TENM4: variants seen among roughly 807,000 people sequenced by gnomAD.
TENM4 encodes teneurin-4.
Under a neutral mutation model 243.3 loss-of-function variants are expected in TENM4, and 82 were observed. That is an observed-to-expected ratio of 0.34 (90% CI 0.28 to 0.40). TENM4 has a LOEUF of 0.40. TENM4 is among the 10% of genes least tolerant of loss of function. TENM4 has a pLI of 1.00. For synonymous variants in TENM4, 1,412 were observed against 1,456.3 expected (o/e 0.97, Z 0.69); for missense variants, 3,138 against 3,673.3 (o/e 0.85, Z 3.77).
intron 6 of TENM4, among the ~76,000 whole-genome samples, chr11:78,981,493 A>C (rs1363991353): frequency 6.6e-6 from 1 of 152,144 alleles, no homozygotes; most frequent in African/African-American, 2.4e-5. Flanking sequence ...TCTCAGTTGG[A>C]AGATCCTGAC....
At chr11:78,820,477 G>C (rs1565393296) in intron 12 of TENM4, among the ~76,000 whole-genome samples, 1 of 152,174 alleles carries the variant, frequency 6.6e-6, no homozygotes, top group Non-Finnish European at 1.5e-5. Context: ...TTGTGAAATG[G>C]GGTGAACAGT....
At chr11:79,007,591 C>T (rs1433801998) in intron 6 of TENM4, among the ~76,000 whole-genome samples, 1 of 152,138 alleles carries the variant, frequency 6.6e-6, no homozygotes, top group African/African-American at 2.4e-5. Flanking sequence ...TTTCCTGAGA[C>T]AAGGAGTAAG....
intron 4 of TENM4, among the ~76,000 whole-genome samples, chr11:79,129,238 G>A (rs1019504554): frequency 2.0e-5 from 3 of 152,128 alleles, no homozygotes; most frequent in Non-Finnish European, 4.4e-5. Flanking sequence ...GCCCAAGCAG[G>A]CCATTCCTGC....
intron 6 of TENM4, among the ~76,000 whole-genome samples, chr11:79,046,332 C>T (rs1054442873): frequency 4.6e-5 from 7 of 152,088 alleles, no homozygotes; most frequent in Admixed American, 4.6e-4. Context: ...TCATGGAGCA[C>T]CAAAAAGCTG....
intron 4 of TENM4, among the ~76,000 whole-genome samples, chr11:79,113,380 G>A (rs776371344): frequency 2.4e-4 from 32 of 133,358 alleles, no homozygotes; most frequent in Non-Finnish European, 5.1e-4. Context: ...TTACTCCCCC[G>A]CCTATTGGAT....
At chr11:78,704,519 T>C (rs1213001759) in intron 27 of TENM4, among the ~76,000 whole-genome samples, 1 of 152,070 alleles carries the variant, frequency 6.6e-6, no homozygotes, top group African/African-American at 2.4e-5. Context: ...TGTGTAGTTG[T>C]TAAAAGTGAT....
At chr11:79,426,209 G>T (rs1251546348) in intron 1 of TENM4, among the ~76,000 whole-genome samples, 1 of 152,176 alleles carries the variant, frequency 6.6e-6, no homozygotes, top group East Asian at 1.9e-4. Flanking sequence ...AAGTTCAGAT[G>T]ACATCAAAAG....
chr11:79,038,822 A>C (rs1466758713), intron 6 of TENM4, among the ~76,000 whole-genome samples: 2 of 152,216 alleles, frequency 1.3e-5, no homozygotes, highest in Non-Finnish European at 2.9e-5. Context: ...GGTTGCAAGA[A>C]GCCTAGCCTC....
chr11:79,099,958 T>G (rs1430293095), intron 4 of TENM4, among the ~76,000 whole-genome samples: 1 of 152,224 alleles, frequency 6.6e-6, no homozygotes, highest in Non-Finnish European at 1.5e-5. Flanking sequence ...TATGGGGAGA[T>G]GCTGTTCATA....
chr11:78,931,268 GT>G (rs1226805620), intron 6 of TENM4, among the ~76,000 whole-genome samples: 1 of 152,140 alleles, frequency 6.6e-6, no homozygotes, highest in Admixed American at 6.5e-5. Context: ...CTCAAAGCCA[GT>G]ATTTTTAAAA....
chr11:79,320,139 G>T (rs1424496718), intron 1 of TENM4, among the ~76,000 whole-genome samples: 1 of 152,144 alleles, frequency 6.6e-6, no homozygotes, highest in Non-Finnish European at 1.5e-5. Flanking sequence ...TGCACCCTCT[G>T]ACTCCTGAAA....
intron 6 of TENM4, among the ~76,000 whole-genome samples, chr11:79,049,191 T>TC (rs1859736546): frequency 6.6e-6 from 1 of 151,972 alleles, no homozygotes; most frequent in Non-Finnish European, 1.5e-5. Flanking sequence ...CACAATTCCC[T>TC]CCCCCAGTCC....
At chr11:79,310,770 C>T (rs963892747) in intron 1 of TENM4, among the ~76,000 whole-genome samples, 2 of 152,074 alleles carry the variant, frequency 1.3e-5, no homozygotes, top group Non-Finnish European at 2.9e-5. Context: ...TCCAGCCCTG[C>T]CACTGACACA....
At chr11:79,408,528 A>G (rs1047318301) in intron 1 of TENM4, among the ~76,000 whole-genome samples, 8 of 152,250 alleles carry the variant, frequency 5.3e-5, no homozygotes, top group African/African-American at 1.7e-4. Flanking sequence ...AAACAAGAAT[A>G]TGTAACCTCT....
intron 1 of TENM4, among the ~76,000 whole-genome samples, chr11:79,310,374 C>A (rs533296450): frequency 6.6e-6 from 1 of 152,296 alleles, no homozygotes; most frequent in Admixed American, 6.5e-5. Context: ...AGCCAAAACT[C>A]TGATAAGGAT....
intron 4 of TENM4, among the ~76,000 whole-genome samples, chr11:79,091,138 A>T (rs1011613733): frequency 1.3e-5 from 2 of 152,222 alleles, no homozygotes; most frequent in Non-Finnish European, 2.9e-5. Context: ...TGATTCACAT[A>T]TTGGGCTTCC....
At chr11:79,265,488 C>T (rs576233657) in intron 2 of TENM4, among the ~76,000 whole-genome samples, 70 of 152,108 alleles carry the variant, frequency 4.6e-4, no homozygotes, top group African/African-American at 1.5e-3. Context: ...AATTACATGT[C>T]GAAATGATAT....
In TENM4 at chr11:78,891,348, T is replaced by G. The variant is rs1473069664; in HGVS notation, c.750-12A>C. ...GCTTGCCTAGGTTTCTACGCACACA[T>G]GGAGACATGAATGAAGCAATGAGTC... On this transcript the variant is annotated splice_polypyrimidine_tract_variant and intron_variant, in intron 7 of 33. Coordinates refer to ENST00000278550, the MANE Select transcript of TENM4 (RefSeq NM_001098816.3). 1.3e-6 allele frequency: 2 copies of G among 1,549,896 alleles called. No homozygotes were observed. Among genetic ancestry groups the G allele is most frequent in the Non-Finnish European group, 1.7e-6 (2 of 1,145,746 alleles).
At chr11:79,365,841 C>G (rs972424050) in intron 1 of TENM4, among the ~76,000 whole-genome samples, 1 of 152,120 alleles carries the variant, frequency 6.6e-6, no homozygotes, top group Non-Finnish European at 1.5e-5. Flanking sequence ...CATGCAGATG[C>G]CCGGTGCGGG....
Sources: allele counts gnomAD v4.1 joint callset (sites outside exome capture counted in the v4.1 genomes callset), GRCh38; gene constraint gnomAD v4.1.1; transcripts MANE v1.5; gene names NCBI Gene and HGNC (gene_info 2026-07-23, HGNC 2026-07-21).